Variants in ABCG2 observed in about 807,000 individuals in gnomAD.
ABCG2 encodes ATP binding cassette subfamily G member 2 (JR blood group), also known as broad substrate specificity ATP-binding cassette transporter ABCG2.
In ABCG2, 80 loss-of-function variants were observed where a neutral mutation model predicts 73.5. The observed-to-expected ratio is 1.09, with a 90% CI of 0.91 to 1.31. The LOEUF is 1.31. Among genes scored for constraint, ABCG2 ranks in the 50% most tolerant of loss-of-function variants. ABCG2 has a pLI of 0.00. For synonymous variants in ABCG2, 269 were observed against 282.4 expected (o/e 0.95, Z 0.48); for missense variants, 796 against 786.2 (o/e 1.01, Z -0.15).
At chr4:88,218,515 G>A (rs1010501814) in intron 1 of ABCG2, among the ~76,000 whole-genome samples, 4 of 152,206 alleles carry the variant, frequency 2.6e-5, no homozygotes, top group Admixed American at 2.6e-4. Context: ...GTACTTTGGT[G>A]GTGATTTGTG....
chr4:88,131,372 A>T (rs1724861627), intron 4 of ABCG2, among the ~76,000 whole-genome samples, 159 bp from the exon 5 acceptor site: 1 of 152,238 alleles, frequency 6.6e-6, no homozygotes, highest in African/African-American at 2.4e-5. Context: ...AGTTAACTCC[A>T]TAGATGTCTG....
chr4:88,152,014 A>T (rs970258710), intron 1 of ABCG2, among the ~76,000 whole-genome samples: 17 of 152,184 alleles, frequency 1.1e-4, no homozygotes, highest in African/African-American at 4.1e-4. Context: ...GACTAACATA[A>T]ATATGGGTCT....
intron 11 of ABCG2, 89 bp from the exon 12 acceptor site, chr4:88,099,537 A>T: frequency 7.4e-7 from 1 of 1,353,572 alleles, no homozygotes; most frequent in Non-Finnish European, 9.9e-7. Context: ...ACCTCTGCTG[A>T]CAGCAGGGGT....
chr4:88,094,505 T>C, intron 15 of ABCG2, 72 bp downstream of exon 15: 1 of 1,351,396 alleles, frequency 7.4e-7, no homozygotes, highest in Non-Finnish European at 1.1e-6. Context: ...CATACAGATC[T>C]AAGCCCAGTA....
upstream of ABCG2, among the ~76,000 whole-genome samples, chr4:88,161,383 C>A: frequency 1.3e-5 from 1 of 75,446 alleles, no homozygotes; most frequent in South Asian, 5.5e-4. Flanking sequence ...CAAGTGATCT[C>A]ATTGTTCAAT....
rs1722234223 is a variant in ABCG2, at chr4:88,099,371, C to T, written c.1445G>A (p.Arg482Lys). The T allele has an allele frequency of 2.5e-6, 4 of 1,611,902 alleles. No homozygotes were observed. The highest frequency in any genetic ancestry group is 3.3e-4 in the Middle Eastern group (2 of 6,028). Residue 482 changes from arginine to lysine, a missense_variant, in exon 12 of 16, where the codon AGG becomes AAG. By Grantham distance (26) the Arg-to-Lys change is conservative. Coordinates refer to ENST00000237612, the MANE Select transcript of ABCG2 (RefSeq NM_004827.3). ...GKLLSDLLPM[R>K]MLPSIIFTCI... ...GGTAAATATAATACTTGGTAACATCCTCATGGGTAATAAATCAGATAACAG... is the reference window on the plus strand; with the variant it reads ...GGTAAATATAATACTTGGTAACATCTTCATGGGTAATAAATCAGATAACAG...
chr4:88,177,715 A>G (rs887595408), intron 1 of ABCG2, among the ~76,000 whole-genome samples: 15 of 152,206 alleles, frequency 9.9e-5, no homozygotes, highest in Middle Eastern at 6.8e-3. Flanking sequence ...CCCCTCCCCA[A>G]TCTCTCTCGG....
chr4:88,123,530 T>C (rs1560686496), intron 5 of ABCG2, among the ~76,000 whole-genome samples: 2 of 151,924 alleles, frequency 1.3e-5, no homozygotes. Flanking sequence ...CAAGTATCAA[T>C]AGCTGAATCA....
At position 88,213,735 on chromosome 4, in the gene ABCG2, T is replaced by C. The variant is rs571310116; in HGVS notation, c.-20+17259A>G. On this transcript the variant is annotated intron_variant, in intron 1 of 15. Coordinates refer to the ABCG2 transcript ENST00000515655. ...GTCTTGCTCTGTCTCCAGGCTAGAG[T>C]GCAGTGGTGCGATCTTGGCTCACTT... Among the ~76,000 whole-genome samples the C allele has an allele frequency of 1.4e-4, 22 of 152,028 alleles. No individual in the cohort carries two copies. The South Asian group carries it at 4.4e-3, about 30-fold the overall frequency.
intron 5 of ABCG2, among the ~76,000 whole-genome samples, chr4:88,130,805 G>A (rs1724799993): frequency 6.6e-6 from 1 of 152,138 alleles, no homozygotes; most frequent in Non-Finnish European, 1.5e-5. Context: ...CATAAGGAAA[G>A]GCCAGGTGAT....
Position 88,176,168 on chromosome 4 carries a change from C to CT in ABCG2, c.-19-36155dup, listed in dbSNP as rs1425039435. On this transcript the variant is annotated intron_variant, in intron 1 of 15. Coordinates refer to the ABCG2 transcript ENST00000515655. ...TTATGATTATTCTTGTTTTTTTTTTCTTTTTTTGTGGAGACAGGGTCTTGC... is the reference window on the plus strand; with the variant it reads ...TTATGATTATTCTTGTTTTTTTTTTCTTTTTTTTGTGGAGACAGGGTCTTGC... 2.2e-3 allele frequency among the ~76,000 whole-genome samples: 304 copies of CT among 138,066 alleles called. 3 individuals are homozygous for CT. The highest frequency in any genetic ancestry group is 7.5e-3 in the African/African-American group (290 of 38,482). 90.6% of individuals were successfully genotyped at this position (138,066 alleles called of 152,430 possible). A position where few individuals can be genotyped will look rare whatever the true frequency, so the allele number is the denominator to read the frequency against.
At chr4:88,100,119 G>A (rs1006470453) in intron 11 of ABCG2, among the ~76,000 whole-genome samples, 1 of 151,460 alleles carries the variant, frequency 6.6e-6, no homozygotes, top group South Asian at 2.1e-4. Context: ...TGTACATTTG[G>A]GAAAATGTGA....
At chr4:88,210,170 A>C (rs1729535220) in intron 1 of ABCG2, among the ~76,000 whole-genome samples, 1 of 141,276 alleles carries the variant, frequency 7.1e-6, no homozygotes, top group African/African-American at 2.7e-5. Flanking sequence ...AGATGTCAGT[A>C]ATGTAAGTAA....
intron 1 of ABCG2, among the ~76,000 whole-genome samples, chr4:88,145,525 C>T (rs577181553): frequency 1.3e-5 from 2 of 152,216 alleles, no homozygotes; most frequent in East Asian, 1.9e-4. Context: ...CTGGAGAACG[C>T]GGCCTAATTC....
At position 88,194,442 on chromosome 4, in the gene ABCG2, C is replaced by T. The variant is rs577466596; in HGVS notation, c.-20+36552G>A. ...GCAGGCGCCTGTAGTCCCAGCTACTCGGGAGGCTGAGGCAGGAGAATGGCG... is the reference window on the plus strand; with the variant it reads ...GCAGGCGCCTGTAGTCCCAGCTACTTGGGAGGCTGAGGCAGGAGAATGGCG... On this transcript the variant is annotated intron_variant, in intron 1 of 15. Coordinates refer to the ABCG2 transcript ENST00000515655. Among the ~76,000 whole-genome samples, 22 of 150,846 alleles carry T rather than the reference C, an allele frequency of 1.5e-4. 1 individual carries two copies. Among genetic ancestry groups the T allele is most frequent in the Middle Eastern group, 3.5e-3 (1 of 288 alleles).
Position 88,091,598 on chromosome 4 carries a change from TACTGG to T in ABCG2, c.*631_*635del, listed in dbSNP as rs1432310395. On this transcript the variant is annotated 3_prime_UTR_variant, in exon 16 of 16. Coordinates refer to ENST00000237612, the MANE Select transcript of ABCG2 (RefSeq NM_004827.3). ...TCCAGAAATGGTGCAAGAATTCTAT[TACTGG>T]ACTCCTGGCCCTCTACTCTACCCAC... 6.6e-6 allele frequency: 1 copy of T among 152,216 alleles called. No individual in the cohort carries two copies. Among genetic ancestry groups the T allele is most frequent in the Non-Finnish European group, 1.5e-5 (1 of 68,064 alleles). The allele number at this position is 152,216 out of a possible 1,614,324, so 9.4% of individuals were successfully genotyped here. A position where few individuals can be genotyped will look rare whatever the true frequency, so the allele number is the denominator to read the frequency against.
intron 1 of ABCG2, among the ~76,000 whole-genome samples, chr4:88,212,996 G>T (rs995774464): frequency 6.6e-6 from 1 of 152,076 alleles, no homozygotes; most frequent in Non-Finnish European, 1.5e-5. Flanking sequence ...TGAACTCTGG[G>T]GCCCAAATGA....
chr4:88,113,663 C>T (rs956651673), intron 8 of ABCG2, 110 bp from the exon 9 acceptor site: 95 of 1,405,426 alleles, frequency 6.8e-5, no homozygotes, highest in Non-Finnish European at 8.5e-5. Context: ...CATTCTAAAG[C>T]TTTAGAAAGA....
chr4:88,095,341 G>C (rs1475397441), intron 14 of ABCG2, among the ~76,000 whole-genome samples, 179 bp downstream of exon 14: 1 of 152,126 alleles, frequency 6.6e-6, no homozygotes, highest in Non-Finnish European at 1.5e-5. Flanking sequence ...AATAGCAAAT[G>C]ACTCCCCAGC....
Sources: allele counts gnomAD v4.1 joint callset (sites outside exome capture counted in the v4.1 genomes callset), GRCh38; gene constraint gnomAD v4.1.1; transcripts MANE v1.5; gene names NCBI Gene and HGNC (gene_info 2026-07-23, HGNC 2026-07-21).